The following SPSB4 variants were observed in gnomAD, a reference collection of about 807,000 sequenced individuals.
SPSB4 encodes the protein SPRY domain-containing SOCS box protein 4.
Under a neutral mutation model 20.9 loss-of-function variants are expected in SPSB4, and 21 were observed. That is an observed-to-expected ratio of 1.01 (90% CI 0.71 to 1.45). The LOEUF (loss-of-function observed/expected upper bound fraction) is 1.45. Ranked by LOEUF, SPSB4 falls within the 40% of genes most tolerant of loss-of-function variation. The pLI is 0.00. For synonymous variants in SPSB4, 207 were observed against 183.8 expected, an observed-to-expected ratio of 1.13 and a Z score of -1.02; for missense variants, 399 against 399.2, an observed-to-expected ratio of 1.00 and a Z score of 0.00.
At chr3:141,109,846 AGAG>A (rs1938764489) in intron 2 of SPSB4, among the ~76,000 whole-genome samples, 1 of 152,210 alleles carries the variant, frequency 6.6e-6, no homozygotes, top group Admixed American at 6.5e-5. Flanking sequence ...GGAGCAGTGC[AGAG>A]AAGAGTGTTT....
chr3:141,115,968 G>T (rs1938873592), intron 2 of SPSB4, among the ~76,000 whole-genome samples: 1 of 152,152 alleles, frequency 6.6e-6, no homozygotes, highest in Non-Finnish European at 1.5e-5. Flanking sequence ...CCTCCTCTGG[G>T]CCTGTTTCTG....
At chr3:141,132,243 C>T (rs781051440) in intron 2 of SPSB4, 1 of 421,276 alleles carries the variant, frequency 2.4e-6, no homozygotes, top group African/African-American at 2.2e-5. Context: ...TCTCGGCTCA[C>T]TGCAACCTCC....
At chr3:141,112,195 A>G (rs2107798629) in intron 2 of SPSB4, among the ~76,000 whole-genome samples, 1 of 152,304 alleles carries the variant, frequency 6.6e-6, no homozygotes, top group Admixed American at 6.5e-5. Flanking sequence ...CTCATCTGTA[A>G]ATGAAGATGC....
chr3:141,070,896 C>T (rs552008552), intron 2 of SPSB4, among the ~76,000 whole-genome samples: 2 of 152,324 alleles, frequency 1.3e-5, no homozygotes, highest in South Asian at 2.1e-4. Context: ...GGAGAGAATG[C>T]GCAGGAGCAT....
In SPSB4 at chr3:141,066,397, A is replaced by G. The variant is rs1252967406; in HGVS notation, c.293A>G (p.His98Arg). 4.6e-6 allele frequency: 7 copies of G among 1,537,528 alleles called. No homozygotes were observed. The African/African-American group carries it at 9.7e-5, about 21-fold the overall frequency. Residue 98 changes from histidine to arginine, a missense_variant, in exon 2 of 3, where the codon CAC becomes CGC. Physicochemically the swap from His to Arg is conservative, Grantham distance 29 (BLOSUM62 0). Coordinates refer to ENST00000310546, the MANE Select transcript of SPSB4 (RefSeq NM_080862.3). ...AAGGTGGGCCACGCCCGCGGCCTGCACGCCTGGCAGATCAACTGGCCGGCT... is the reference window on the plus strand; with the variant it reads ...AAGGTGGGCCACGCCCGCGGCCTGCGCGCCTGGCAGATCAACTGGCCGGCT... The part of the protein sequence containing the change: ...RGKVGHARGL[H>R]AWQINWPARQ...
At chr3:141,096,036 G>A (rs1938543101) in intron 2 of SPSB4, among the ~76,000 whole-genome samples, 1 of 152,154 alleles carries the variant, frequency 6.6e-6, no homozygotes, top group Admixed American at 6.5e-5. Context: ...ACAACACCAA[G>A]TCCCAGAAAA....
intron 2 of SPSB4, among the ~76,000 whole-genome samples, chr3:141,071,243 G>A (rs915120698): frequency 2.0e-5 from 3 of 152,194 alleles, no homozygotes; most frequent in Admixed American, 6.5e-5. Context: ...GAATTGCTCC[G>A]TGGCTCCCCA....
rs201792703 is a variant in SPSB4, at chr3:141,147,432, C to A, written c.*163C>A. On this transcript the variant is annotated 3_prime_UTR_variant, in exon 3 of 3. Transcript: ENST00000310546. The stretch of plus-strand genomic sequence containing the variant: ...CAGGATGTGGTACCAACTTTGGAAA[C>A]GAAAGGTCTCTTGCCAACAGTATCT... 1.6e-6 allele frequency: 2 copies of A among 1,233,032 alleles called. No homozygotes were observed. The highest frequency in any genetic ancestry group is 2.2e-6 in the Non-Finnish European group (2 of 899,692). The allele number at this position is 1,233,032 out of a possible 1,614,324, so 76.4% of individuals were successfully genotyped here.
chr3:141,067,735 T>A (rs1361626341), intron 2 of SPSB4, among the ~76,000 whole-genome samples: 2 of 152,212 alleles, frequency 1.3e-5, no homozygotes, highest in African/African-American at 4.8e-5. Flanking sequence ...GAATCCCAGC[T>A]GAGGGGCCAG....
intron 2 of SPSB4, among the ~76,000 whole-genome samples, chr3:141,106,296 G>A (rs1032084581): frequency 2.0e-5 from 3 of 152,182 alleles, no homozygotes; most frequent in Non-Finnish European, 2.9e-5. Flanking sequence ...GTGGGGCAAG[G>A]CTTTCTGGAG....
At position 141,066,357 on chromosome 3, in the gene SPSB4, G is replaced by A. The variant is rs1470780975; in HGVS notation, c.253G>A (p.Asp85Asn). Reference sequence around the variant, plus strand: ...CCGGCACCCCGTGGCCCAGAGCACCGACGGCATCCGCGGCAAGGTGGGCCA... The same window carrying A: ...CCGGCACCCCGTGGCCCAGAGCACCAACGGCATCCGCGGCAAGGTGGGCCA... ...FHRHPVAQST[D>N]GIRGKVGHAR... The change falls in exon 2 of 3, where the codon GAC (aspartate) becomes AAC (asparagine). Residue 85 changes from aspartate to asparagine, a missense_variant. By Grantham distance (23) the Asp-to-Asn change is conservative. Transcript: ENST00000310546. The A allele has an allele frequency of 2.6e-6, 4 of 1,559,376 alleles. No individual in the cohort carries two copies. The highest frequency in any genetic ancestry group is 2.6e-6 in the Non-Finnish European group (3 of 1,154,098).
chr3:141,092,709 G>A (rs1056565327), intron 2 of SPSB4, among the ~76,000 whole-genome samples: 1 of 152,208 alleles, frequency 6.6e-6, no homozygotes, highest in Non-Finnish European at 1.5e-5. Flanking sequence ...GCTGAGGCCG[G>A]GTGAGCAGCC....
intron 2 of SPSB4, among the ~76,000 whole-genome samples, chr3:141,073,523 A>G (rs16851040): frequency 0.13 from 19,438 of 152,208 alleles, 3,994 homozygotes; most frequent in African/African-American, 0.44. Flanking sequence ...TCACAGAATA[A>G]GCCCATAATG....
intron 2 of SPSB4, among the ~76,000 whole-genome samples, chr3:141,118,884 G>T (rs1262649657): frequency 6.6e-6 from 1 of 152,148 alleles, no homozygotes; most frequent in Non-Finnish European, 1.5e-5. Context: ...TGCTGTTTTG[G>T]TTATGTAGCC....
intron 2 of SPSB4, among the ~76,000 whole-genome samples, chr3:141,085,479 C>A (rs994724949): frequency 6.6e-6 from 1 of 152,144 alleles, no homozygotes; most frequent in Admixed American, 6.5e-5. Context: ...AGAGCTTCAG[C>A]CATTGCACCC....
intron 2 of SPSB4, among the ~76,000 whole-genome samples, chr3:141,110,885 C>T (rs1938785797): frequency 6.6e-6 from 1 of 152,186 alleles, no homozygotes; most frequent in African/African-American, 2.4e-5. Flanking sequence ...AGCTGAGAGT[C>T]CCAGAGGTGA....
intron 2 of SPSB4, among the ~76,000 whole-genome samples, chr3:141,124,571 G>A (rs1939021078): frequency 6.6e-6 from 1 of 152,192 alleles, no homozygotes; most frequent in African/African-American, 2.4e-5. Flanking sequence ...TAGGGAGGCT[G>A]CGTTCATAAT....
chr3:141,057,457 G>A (rs939290629), intron 1 of SPSB4, among the ~76,000 whole-genome samples: 3 of 152,184 alleles, frequency 2.0e-5, no homozygotes, highest in East Asian at 1.9e-4. Context: ...ATTCTTAAGT[G>A]TTGGTTCTTT....
chr3:141,136,525 A>G (rs1442911885), intron 2 of SPSB4, among the ~76,000 whole-genome samples: 1 of 152,210 alleles, frequency 6.6e-6, no homozygotes, highest in Non-Finnish European at 1.5e-5. Flanking sequence ...TATAAGGTGC[A>G]AGGAAGGGAT....
Sources: allele counts gnomAD v4.1 joint callset (sites outside exome capture counted in the v4.1 genomes callset), GRCh38; gene constraint gnomAD v4.1.1; transcripts MANE v1.5; gene names NCBI Gene and HGNC (gene_info 2026-07-23, HGNC 2026-07-21).